The following FAM13A variants were observed in gnomAD, a reference collection of about 807,000 sequenced individuals.
FAM13A encodes the protein family with sequence similarity 13 member A.
In FAM13A, 76 loss-of-function variants were observed where a neutral mutation model predicts 129.6. The observed-to-expected ratio is 0.59, with a 90% CI of 0.49 to 0.71. FAM13A has a LOEUF of 0.71. Ranked by LOEUF, FAM13A falls within the 30% of genes least tolerant of loss-of-function variation. The probability of loss-of-function intolerance (pLI) is 0.00; values close to 1 mark genes in which losing one functional copy is unlikely to be tolerated. For missense variants in FAM13A, 1,108 were observed against 1,249.3 expected, an observed-to-expected ratio of 0.89 and a Z score of 1.70; for synonymous variants, 443 against 449.9, an observed-to-expected ratio of 0.98 and a Z score of 0.20.
At chr4:88,944,059 T>A (rs1755223984) in intron 4 of FAM13A, among the ~76,000 whole-genome samples, 1 of 152,226 alleles carries the variant, frequency 6.6e-6, no homozygotes, top group Non-Finnish European at 1.5e-5. Flanking sequence ...ATTATTTGCA[T>A]AAGTTCAATA....
At chr4:88,943,056 T>A (rs931880295) in intron 4 of FAM13A, among the ~76,000 whole-genome samples, 10 of 152,304 alleles carry the variant, frequency 6.6e-5, no homozygotes, top group South Asian at 2.1e-4. Flanking sequence ...GAGTTAAGGT[T>A]TTCTACAATG....
chr4:88,906,120 T>C (rs566745175), intron 6 of FAM13A, among the ~76,000 whole-genome samples: 1 of 152,182 alleles, frequency 6.6e-6, no homozygotes, highest in Non-Finnish European at 1.5e-5. Context: ...AAACCCCGTC[T>C]CTACTAAAAA....
chr4:88,734,582 A>G (rs914083486), intron 21 of FAM13A, among the ~76,000 whole-genome samples: 25 of 152,342 alleles, frequency 1.6e-4, no homozygotes, highest in Middle Eastern at 3.4e-3. Context: ...AGTCAGGGCC[A>G]TATGCCAGGG....
At chr4:88,994,757 T>C (rs975576488) in intron 3 of FAM13A, among the ~76,000 whole-genome samples, 15 of 152,022 alleles carry the variant, frequency 9.9e-5, no homozygotes, top group African/African-American at 3.6e-4. Flanking sequence ...GGAGGATCGC[T>C]TGAGCTTCAG....
At chr4:88,903,153 A>G (rs1360159571) in intron 6 of FAM13A, among the ~76,000 whole-genome samples, 1 of 152,234 alleles carries the variant, frequency 6.6e-6, no homozygotes, top group Non-Finnish European at 1.5e-5. Context: ...AGGAAGAATC[A>G]GTATTATGAA....
chr4:88,946,567 G>A (rs955656584), intron 4 of FAM13A, among the ~76,000 whole-genome samples: 2 of 151,918 alleles, frequency 1.3e-5, no homozygotes, highest in Non-Finnish European at 1.5e-5. Context: ...AGAAAATAAG[G>A]AATCTGTGCA....
intron 4 of FAM13A, among the ~76,000 whole-genome samples, chr4:88,942,364 C>T (rs534358806): frequency 1.3e-5 from 2 of 151,820 alleles, no homozygotes; most frequent in South Asian, 2.1e-4. Context: ...GTTAGGAGTT[C>T]GAGACCAGAT....
intron 4 of FAM13A, among the ~76,000 whole-genome samples, chr4:88,958,576 T>C (rs901305743): frequency 6.6e-6 from 1 of 152,236 alleles, no homozygotes; most frequent in Non-Finnish European, 1.5e-5. Context: ...TAAGGAGGTC[T>C]GGCAGCCTCT....
At chr4:89,035,466 A>C (rs541520688) in intron 1 of FAM13A, among the ~76,000 whole-genome samples, 12 of 152,068 alleles carry the variant, frequency 7.9e-5, no homozygotes, top group African/African-American at 2.9e-4. Flanking sequence ...AGAAAGAAAG[A>C]AAAGAAAAGA....
intron 4 of FAM13A, among the ~76,000 whole-genome samples, chr4:88,965,354 C>A (rs565451586): frequency 2.2e-4 from 33 of 152,190 alleles, no homozygotes; most frequent in Non-Finnish European, 4.6e-4. Context: ...AACAAGAACA[C>A]AGCAGACTTC....
At chr4:88,801,777 G>A (rs1203303830) in intron 8 of FAM13A, among the ~76,000 whole-genome samples, 1 of 152,082 alleles carries the variant, frequency 6.6e-6, no homozygotes, top group Non-Finnish European at 1.5e-5. Flanking sequence ...CTGATGAAAT[G>A]GGATAAGGAT....
intron 6 of FAM13A, among the ~76,000 whole-genome samples, chr4:88,885,457 G>A (rs1744254435): frequency 6.6e-6 from 1 of 152,192 alleles, no homozygotes; most frequent in Non-Finnish European, 1.5e-5. Context: ...CAAGCCACAT[G>A]TAGAAGAATG....
intron 1 of FAM13A, among the ~76,000 whole-genome samples, chr4:89,032,558 C>T (rs1228288794): frequency 1.3e-5 from 2 of 152,168 alleles, no homozygotes; most frequent in African/African-American, 4.8e-5. Flanking sequence ...AGGGCTGTGC[C>T]TAGAGTCCAG....
At chr4:88,760,603 CAAAAAAAAAAAAA>C (rs745711965) in intron 13 of FAM13A, among the ~76,000 whole-genome samples, 3 of 65,840 alleles carry the variant, frequency 4.6e-5, no homozygotes, top group East Asian at 1.3e-3. Context: ...GACTCCGTCT[CAAAAAAAAAAAAA>C]AAAAAAAAAA....
intron 13 of FAM13A, among the ~76,000 whole-genome samples, chr4:88,759,919 C>G (rs1744454671): frequency 6.6e-6 from 1 of 152,178 alleles, no homozygotes; most frequent in African/African-American, 2.4e-5. Flanking sequence ...TTCCCTGTCT[C>G]ACACAATTAT....
chr4:88,787,669 A>T, intron 10 of FAM13A, 84 bp downstream of exon 10: 1 of 1,285,872 alleles, frequency 7.8e-7, no homozygotes, highest in Non-Finnish European at 1.1e-6. Context: ...AGGAGGTATG[A>T]CTATAACACA....
At chr4:88,998,931 C>A (rs10516825) in intron 3 of FAM13A, among the ~76,000 whole-genome samples, 11,426 of 152,122 alleles carry the variant, frequency 0.075, 578 homozygotes, top group South Asian at 0.14. Context: ...AGAGGCCTCA[C>A]GTAAATTTCT....
At chr4:88,778,490 A>T (rs1221191474) in intron 11 of FAM13A, among the ~76,000 whole-genome samples, 1 of 152,140 alleles carries the variant, frequency 6.6e-6, no homozygotes, top group Non-Finnish European at 1.5e-5. Context: ...GGAACCATTC[A>T]TGTTTTAGTT....
At chr4:88,983,407 T>G (rs1761880754) in intron 4 of FAM13A, among the ~76,000 whole-genome samples, 1 of 152,010 alleles carries the variant, frequency 6.6e-6, no homozygotes, top group African/African-American at 2.4e-5. Flanking sequence ...CAAACAGGTA[T>G]ATGAGGAAAA....
Sources: allele counts gnomAD v4.1 joint callset (sites outside exome capture counted in the v4.1 genomes callset), GRCh38; gene constraint gnomAD v4.1.1; transcripts MANE v1.5; gene names NCBI Gene and HGNC (gene_info 2026-07-23, HGNC 2026-07-21).